PIEZO2: variants seen among roughly 807,000 people sequenced by gnomAD.
PIEZO2 encodes the protein piezo-type mechanosensitive ion channel component 2.
A neutral mutation model predicts 337.3 loss-of-function variants in PIEZO2; 172 were observed. The ratio of observed to expected loss-of-function variants is 0.51; its 90% CI spans 0.45 to 0.58. The LOEUF (loss-of-function observed/expected upper bound fraction) is 0.58, where lower values mean the gene tolerates loss of function less well. Ranked by LOEUF, PIEZO2 falls within the 20% of genes least tolerant of loss-of-function variation. The probability of loss-of-function intolerance (pLI) is 0.00; values close to 1 mark genes in which losing one functional copy is unlikely to be tolerated. For synonymous variants in PIEZO2, 1,251 were observed against 1,228.5 expected (o/e 1.02, Z -0.38); for missense variants, 3,028 against 3,391.3 (o/e 0.89, Z 2.66).
chr18:10,812,891 T>C (rs1410764182), intron 7 of PIEZO2, among the ~76,000 whole-genome samples: 4 of 152,174 alleles, frequency 2.6e-5, no homozygotes, highest in Non-Finnish European at 5.9e-5. Context: ...TCCCAGCCAT[T>C]GGCAAGAAAT....
chr18:10,718,419 T>C (rs887183447), intron 36 of PIEZO2, among the ~76,000 whole-genome samples, 160 bp from the exon 37 acceptor site: 6 of 152,252 alleles, frequency 3.9e-5, no homozygotes, highest in Non-Finnish European at 5.9e-5. Context: ...AGCTCTTAGA[T>C]TATTTTACTC....
rs537704419 is a variant in PIEZO2, at chr18:10,718,506, G to A, written c.5030-247C>T. On this transcript the variant is annotated intron_variant, in intron 36 of 55. Transcript: ENST00000674853. The stretch of plus-strand genomic sequence containing the variant: ...GGTGGGTACCGGCCAGTACTCGTGG[G>A]CTGACTGTTGCCAAATGGCCTGTGA... Among the ~76,000 whole-genome samples the A allele has an allele frequency of 2.6e-5, 4 of 152,294 alleles. No homozygotes were observed. The South Asian group carries it at 6.2e-4, about 24-fold the overall frequency.
intron 5 of PIEZO2, among the ~76,000 whole-genome samples, chr18:10,868,687 A>T (rs1454856238): frequency 3.3e-5 from 5 of 152,230 alleles, no homozygotes; most frequent in African/African-American, 1.2e-4. Flanking sequence ...ATTCAAGCAA[A>T]TTTCAAATGG....
At position 10,862,292 on chromosome 18, in the gene PIEZO2, ATGTATTAG is replaced by A. The variant is rs2041895180; in HGVS notation, c.493-5089_493-5082del. ...GTTGCTGATTTCAACATTTGATAAC[ATGTATTAG>A]TGTAAGATCTCTCATTTCACATAAG... On this transcript the variant is annotated intron_variant, in intron 5 of 55. Transcript: ENST00000674853. The surrounding 1 kb of genome is among the most constrained non-coding windows in gnomAD (Gnocchi z 4.4). Among the ~76,000 whole-genome samples, 1 of 152,194 alleles carries A rather than the reference ATGTATTAG, an allele frequency of 6.6e-6. No individual in the cohort carries two copies. Among genetic ancestry groups the A allele is most frequent in the South Asian group, 2.1e-4 (1 of 4,826 alleles).
rs1402883551 is a variant in PIEZO2, at chr18:11,027,029, A to G, written c.160+39098T>C. Among the ~76,000 whole-genome samples the G allele has an allele frequency of 6.6e-6, 1 of 152,218 alleles. No homozygotes were observed. Among genetic ancestry groups the G allele is most frequent in the Non-Finnish European group, 1.5e-5 (1 of 68,042 alleles). ...TGTGTATGAGACAAGACTCTGCCCA[A>G]AAGTATTTTATAAGCCAATTCATAT... is the stretch of plus-strand genomic sequence containing the variant. On this transcript the variant is annotated intron_variant, in intron 2 of 55. Coordinates refer to ENST00000674853, the MANE Select transcript of PIEZO2 (RefSeq NM_001378183.1). This position sits in a 1 kb window ranked among gnomAD's most constrained non-coding sequence, Gnocchi z 4.2.
chr18:10,678,271 GT>G (rs1345739201), intron 52 of PIEZO2, among the ~76,000 whole-genome samples: 1 of 152,236 alleles, frequency 6.6e-6, no homozygotes, highest in Middle Eastern at 3.4e-3. Context: ...TAATTGTTCT[GT>G]TTTTTTGTTG....
At position 11,146,079 on chromosome 18, in the gene PIEZO2, CTG is replaced by C. The variant is rs2040802592; in HGVS notation, c.64+2444_64+2445del. Reference sequence around the variant, plus strand: ...GCACTCAAACTCACATTCACACAAACTGTTACACAGTCATGCACACACTCGCA... The same window carrying C: ...GCACTCAAACTCACATTCACACAAACTTACACAGTCATGCACACACTCGCA... On this transcript the variant is annotated intron_variant, in intron 1 of 55. Coordinates refer to ENST00000674853, the MANE Select transcript of PIEZO2 (RefSeq NM_001378183.1). The surrounding 1 kb of genome is among the most constrained non-coding windows in gnomAD (Gnocchi z 6.1). Among the ~76,000 whole-genome samples the C allele has an allele frequency of 6.6e-6, 1 of 152,206 alleles. No homozygotes were observed. The highest frequency in any genetic ancestry group is 1.9e-4 in the East Asian group (1 of 5,190).
chr18:10,891,279 C>T (rs568507340), intron 4 of PIEZO2, among the ~76,000 whole-genome samples: 21 of 152,042 alleles, frequency 1.4e-4, no homozygotes, highest in Non-Finnish European at 2.8e-4. Context: ...AGCGAGATTG[C>T]GCTACTGCAC....
chr18:10,761,206 G>C, intron 23 of PIEZO2, 95 bp from the exon 24 acceptor site: 2 of 1,129,944 alleles, frequency 1.8e-6, no homozygotes, highest in Middle Eastern at 2.0e-4. Context: ...CAAGGACAAT[G>C]TTTTATAAAA....
rs2038118003 is a variant in PIEZO2, at chr18:10,761,240, G to A, written c.3250-129C>T. 23 of 785,116 alleles carry A rather than the reference G, an allele frequency of 2.9e-5. 1 individual carries two copies. In the South Asian group the frequency reaches 4.0e-4, roughly 14 times the overall value. The allele number at this position is 785,116 out of a possible 1,614,324, so 48.6% of individuals were successfully genotyped here. The stretch of plus-strand genomic sequence containing the variant: ...AAGCTCACCTCTCTTAAGCAGTTTT[G>A]AGCTCAATATTCGTTTTCTCTGTCT... On this transcript the variant is annotated intron_variant, in intron 23 of 55. Coordinates refer to ENST00000674853, the MANE Select transcript of PIEZO2 (RefSeq NM_001378183.1).
rs774102442 is a variant in PIEZO2, at chr18:10,715,769, G to A, written c.5137C>T (p.Leu1713=). The A allele has an allele frequency of 7.2e-6, 11 of 1,534,172 alleles. No homozygotes were observed. In the African/African-American group the frequency reaches 1.2e-4, roughly 17 times the overall value. Residue 1713 remains leucine, a synonymous_variant, in exon 38 of 56, where the codon CTA becomes TTA. Coordinates refer to ENST00000674853, the MANE Select transcript of PIEZO2 (RefSeq NM_001378183.1). ...IFNILKFTWV[L]FLATVDSFTT... ...AAACTGTCCACTGTTGCCAGAAATA[G>A]GACCCAGGTAAATTTCAAAATATTA...
intron 1 of PIEZO2, among the ~76,000 whole-genome samples, chr18:11,141,335 T>C (rs2040638329): frequency 6.6e-6 from 1 of 152,134 alleles, no homozygotes; most frequent in African/African-American, 2.4e-5. Flanking sequence ...AGGTTAAGGC[T>C]GGAATGTAAT....
rs1284951061 is a variant in PIEZO2 at position 10,791,415 on chromosome 18, T to A, written c.1759-91A>T. ...ATGTAACATTTTCTCCGCATTCCAG[T>A]GGGAGCACAATAAATAAACCTTTTT... On this transcript the variant is annotated intron_variant, in intron 13 of 55. Transcript: ENST00000674853. 6.0e-6 allele frequency: 8 copies of A among 1,330,336 alleles called. No individual in the cohort carries two copies. In the East Asian group the frequency reaches 2.2e-4, roughly 37 times the overall value. 82.4% of individuals were successfully genotyped at this position (1,330,336 alleles called of 1,614,324 possible).
chr18:10,977,035 G>A (rs2034470758), intron 3 of PIEZO2, among the ~76,000 whole-genome samples: 1 of 151,448 alleles, frequency 6.6e-6, no homozygotes, highest in African/African-American at 2.4e-5. Flanking sequence ...GTGTGTGTGT[G>A]TATGTAAGCT....
In PIEZO2 at chr18:10,797,525, A is replaced by G. The variant is rs142005158; in HGVS notation, c.1379-3T>C. The G allele has an allele frequency of 3.5e-4, 533 of 1,536,372 alleles. 5 individuals are homozygous for G. The African/African-American group carries it at 6.3e-3, about 18-fold the overall frequency. ...TTCCTCTTCCTCCTCTCGCTTTTCT[A>G]GATGGACGAATACTTTATTTAACTA... On this transcript the variant is annotated splice_polypyrimidine_tract_variant and splice_region_variant and intron_variant, in intron 11 of 55. Transcript: ENST00000674853.
At chr18:10,780,933 G>A (rs2038960059) in intron 17 of PIEZO2, among the ~76,000 whole-genome samples, 2 of 151,230 alleles carry the variant, frequency 1.3e-5, no homozygotes, top group East Asian at 2.0e-4. Context: ...AAAGTGCTGC[G>A]ATTACAGGTG....
At chr18:10,686,719 G>A (rs956105067) in intron 49 of PIEZO2, among the ~76,000 whole-genome samples, 2 of 152,184 alleles carry the variant, frequency 1.3e-5, no homozygotes, top group African/African-American at 4.8e-5. Flanking sequence ...CTAGACTTGA[G>A]GGGTTAGGGC....
At chr18:10,732,397 C>G (rs1161981443) in intron 35 of PIEZO2, among the ~76,000 whole-genome samples, 1 of 152,202 alleles carries the variant, frequency 6.6e-6, no homozygotes, top group Non-Finnish European at 1.5e-5. Flanking sequence ...TCTTTAAACC[C>G]AGATCTGTTC....
intron 3 of PIEZO2, among the ~76,000 whole-genome samples, chr18:10,961,736 A>G (rs2033789362): frequency 6.6e-6 from 1 of 152,072 alleles, no homozygotes; most frequent in African/African-American, 2.4e-5. Context: ...TGGAAATCCA[A>G]CTCCACAAAG....
Sources: allele counts gnomAD v4.1 joint callset (sites outside exome capture counted in the v4.1 genomes callset), GRCh38; gene constraint gnomAD v4.1.1; non-coding constraint Gnocchi (gnomAD v3.1); transcripts MANE v1.5; gene names NCBI Gene and HGNC (gene_info 2026-07-23, HGNC 2026-07-21).